The following SYT2 variants were observed in gnomAD, a reference collection of about 807,000 sequenced individuals.
SYT2 encodes the protein synaptotagmin-2.
A neutral mutation model predicts 39.9 loss-of-function variants in SYT2; 15 were observed. The ratio of observed to expected loss-of-function variants is 0.38; its 90% CI spans 0.25 to 0.58. The LOEUF (loss-of-function observed/expected upper bound fraction) is 0.58. Among genes scored for constraint, SYT2 ranks in the 20% least tolerant of loss-of-function variants. The probability of loss-of-function intolerance (pLI) is 0.70; values close to 1 mark genes in which losing one functional copy is unlikely to be tolerated. For synonymous variants in SYT2, 181 were observed against 204.5 expected (o/e 0.89, Z 0.98); for missense variants, 389 against 530.3 (o/e 0.73, Z 2.62).
chr1:202,624,429 A>ATG lies in SYT2; in HGVS notation c.-17-18642_-17-18641dup, dbSNP rs1185454490. 2.0e-5 allele frequency among the ~76,000 whole-genome samples: 3 copies of ATG among 150,134 alleles called. No homozygotes were observed. In the East Asian group the frequency reaches 5.9e-4, roughly 30 times the overall value. ...TGGGGGTATAGTGAGTTTGTGTGGG[A>ATG]TGTGTGTGTAATACGTGTATGTGTT... On this transcript the variant is annotated intron_variant, in intron 1 of 8. Coordinates refer to ENST00000367268, the MANE Select transcript of SYT2 (RefSeq NM_177402.5).
intron 1 of SYT2, among the ~76,000 whole-genome samples, chr1:202,610,119 C>T (rs1358234908): frequency 0.01 from 1,252 of 123,890 alleles, no homozygotes; most frequent in African/African-American, 0.015. Context: ...AGCCAGTTTT[C>T]CCAGCACCAT....
chr1:202,657,471 G>A (rs1406842253), intron 1 of SYT2, among the ~76,000 whole-genome samples: 2 of 152,192 alleles, frequency 1.3e-5, no homozygotes, highest in Non-Finnish European at 2.9e-5. Context: ...AAGGCATGCA[G>A]TGACTGGGGG....
intron 1 of SYT2, among the ~76,000 whole-genome samples, chr1:202,626,673 G>T (rs1399087657): frequency 6.6e-6 from 1 of 152,068 alleles, no homozygotes; most frequent in Non-Finnish European, 1.5e-5. Context: ...AGCCTAGATA[G>T]CCTCTCAGCT....
At chr1:202,626,573 C>T (rs375350793) in intron 1 of SYT2, among the ~76,000 whole-genome samples, 35 of 151,838 alleles carry the variant, frequency 2.3e-4, no homozygotes, top group African/African-American at 7.2e-4. Flanking sequence ...CACTATGTTG[C>T]CCAGGATGGT....
intron 1 of SYT2, chr1:202,632,164 T>A (rs764131198): frequency 1.2e-6 from 1 of 826,224 alleles, no homozygotes; most frequent in Non-Finnish European, 1.5e-6. Context: ...CACTAGATAA[T>A]TTGTGGGGCA....
intron 1 of SYT2, among the ~76,000 whole-genome samples, chr1:202,616,573 C>A (rs1691044359): frequency 6.6e-6 from 1 of 152,194 alleles, no homozygotes; most frequent in South Asian, 2.1e-4. Flanking sequence ...CACTCGTCAG[C>A]CCCTCCATTG....
At chr1:202,687,290 G>A (rs541407799) in intron 1 of SYT2, among the ~76,000 whole-genome samples, 1 of 152,134 alleles carries the variant, frequency 6.6e-6, no homozygotes, top group Non-Finnish European at 1.5e-5. Flanking sequence ...CCAAAAGCCC[G>A]TCTTGGGTAA....
chr1:202,660,698 G>A (rs569124119), intron 1 of SYT2, among the ~76,000 whole-genome samples: 28 of 152,018 alleles, frequency 1.8e-4, no homozygotes, highest in Non-Finnish European at 3.5e-4. Context: ...GCCCAGGCTG[G>A]TCTTGAACTC....
intron 1 of SYT2, among the ~76,000 whole-genome samples, chr1:202,653,539 C>A (rs1358749913): frequency 6.6e-6 from 1 of 151,806 alleles, no homozygotes; most frequent in Non-Finnish European, 1.5e-5. Context: ...CTGCTGACCT[C>A]GTATGGGGGT....
intron 1 of SYT2, among the ~76,000 whole-genome samples, chr1:202,626,737 G>A (rs759094162): frequency 1.3e-5 from 2 of 152,102 alleles, no homozygotes; most frequent in African/African-American, 4.8e-5. Flanking sequence ...GAAGGCAAGC[G>A]GCAGAAAGGG....
At chr1:202,652,337 G>T (rs978471445) in intron 1 of SYT2, among the ~76,000 whole-genome samples, 1 of 152,188 alleles carries the variant, frequency 6.6e-6, no homozygotes, top group Non-Finnish European at 1.5e-5. Context: ...TGGGTTGGGG[G>T]TGACAAGGAG....
intron 1 of SYT2, among the ~76,000 whole-genome samples, chr1:202,656,445 G>C (rs913652201): frequency 6.6e-6 from 1 of 152,224 alleles, no homozygotes; most frequent in African/African-American, 2.4e-5. Context: ...TTGGAGCCAA[G>C]GATGGTAGAG....
Position 202,601,432 on chromosome 1 carries a change from A to G in SYT2, c.801+458T>C, listed in dbSNP as rs1346417664. On this transcript the variant is annotated intron_variant, in intron 6 of 8. Coordinates refer to ENST00000367268, the MANE Select transcript of SYT2 (RefSeq NM_177402.5). This position sits in a 1 kb window ranked among gnomAD's most constrained non-coding sequence, Gnocchi z 4.0. ...AAAATGGAGTTTTAGGTACACAGCAATTGCTCAGCAAATATTTAGTGAGTG... is the reference window on the plus strand; with the variant it reads ...AAAATGGAGTTTTAGGTACACAGCAGTTGCTCAGCAAATATTTAGTGAGTG... 6.6e-6 allele frequency among the ~76,000 whole-genome samples: 1 copy of G among 152,224 alleles called. No individual in the cohort carries two copies. Among genetic ancestry groups the G allele is most frequent in the East Asian group, 1.9e-4 (1 of 5,202 alleles).
intron 1 of SYT2, among the ~76,000 whole-genome samples, chr1:202,665,087 A>T (rs886808388): frequency 2.0e-5 from 3 of 152,214 alleles, no homozygotes; most frequent in East Asian, 3.8e-4. Flanking sequence ...AATTTAAAAT[A>T]ATTTATTTAT....
At chr1:202,707,599 G>A (rs933581868) in intron 1 of SYT2, among the ~76,000 whole-genome samples, 1 of 152,208 alleles carries the variant, frequency 6.6e-6, no homozygotes, top group African/African-American at 2.4e-5. Flanking sequence ...GGAAGGGAAT[G>A]ATGGTCATTC....
In SYT2 at chr1:202,623,252, G is replaced by C. The variant is rs1180995384; in HGVS notation, c.-17-17463C>G. On this transcript the variant is annotated intron_variant, in intron 1 of 8. Transcript: ENST00000367268. The surrounding 1 kb of genome is among the most constrained non-coding windows in gnomAD (Gnocchi z 4.2). ...CTGGAGTCCAGGCTCCCTGGAGAGG[G>C]AGTTAATACTGCAGCACGGCGCACT... Among the ~76,000 whole-genome samples, 1 of 152,246 alleles carries C rather than the reference G, an allele frequency of 6.6e-6. No homozygotes were observed. Among genetic ancestry groups the C allele is most frequent in the East Asian group, 1.9e-4 (1 of 5,202 alleles).
intron 1 of SYT2, among the ~76,000 whole-genome samples, chr1:202,644,881 C>T (rs1692046716): frequency 2.0e-5 from 3 of 152,074 alleles, no homozygotes; most frequent in African/African-American, 7.2e-5. Flanking sequence ...CCGAAGAAGC[C>T]GGGGACTGAA....
chr1:202,641,077 C>G (rs959420738), intron 1 of SYT2, among the ~76,000 whole-genome samples: 1 of 152,202 alleles, frequency 6.6e-6, no homozygotes, highest in Admixed American at 6.5e-5. Flanking sequence ...AATACCACCA[C>G]TATTCTCATT....
At chr1:202,651,857 G>A (rs993873264) in intron 1 of SYT2, among the ~76,000 whole-genome samples, 32 of 152,282 alleles carry the variant, frequency 2.1e-4, no homozygotes, top group African/African-American at 7.2e-4. Context: ...TCAAGAGATC[G>A]AGACCATCCT....
Sources: allele counts gnomAD v4.1 joint callset (sites outside exome capture counted in the v4.1 genomes callset), GRCh38; gene constraint gnomAD v4.1.1; non-coding constraint Gnocchi (gnomAD v3.1); transcripts MANE v1.5; gene names NCBI Gene and HGNC (gene_info 2026-07-23, HGNC 2026-07-21).